The following NCOA3 variants were observed in gnomAD, a reference collection of about 807,000 sequenced individuals.
NCOA3 encodes CBP-interacting protein.
In NCOA3, 51 loss-of-function variants were observed where a neutral mutation model predicts 158.8. That is an observed-to-expected ratio of 0.32 (90% CI 0.26 to 0.41). The LOEUF is 0.41. NCOA3 is among the 10% of genes least tolerant of loss of function. The pLI, the probability that NCOA3 is intolerant of heterozygous loss-of-function variation, is 1.00. For missense variants in NCOA3, 1,510 were observed against 1,746.6 expected (o/e 0.86, Z 2.41); for synonymous variants, 537 against 592.4 (o/e 0.91, Z 1.36).
intron 2 of NCOA3, among the ~76,000 whole-genome samples, chr20:47,610,321 G>A (rs2086023023): frequency 6.6e-6 from 1 of 152,124 alleles, no homozygotes; most frequent in Non-Finnish European, 1.5e-5. Context: ...CTGGGCTCAA[G>A]TGATCCTCTT....
chr20:47,512,433 TGGC>T (rs2084160417), intron 1 of NCOA3, among the ~76,000 whole-genome samples: 5 of 151,890 alleles, frequency 3.3e-5, no homozygotes, highest in Admixed American at 2.6e-4. Context: ...CCGGGCATGG[TGGC>T]ACATGCCTGT....
At chr20:47,544,316 CTTTTTTTTTT>C (rs397866275) in intron 1 of NCOA3, among the ~76,000 whole-genome samples, 4 of 99,720 alleles carry the variant, frequency 4.0e-5, no homozygotes, top group African/African-American at 7.8e-5. Context: ...TTTAATACTA[CTTTTTTTTTT>C]TTTTTTTTTT....
intron 17 of NCOA3, 150 bp downstream of exon 17, chr20:47,642,534 G>A: frequency 2.1e-6 from 1 of 486,662 alleles, no homozygotes; most frequent in Non-Finnish European, 3.4e-6. Flanking sequence ...CATTAAATTT[G>A]GAAAATATCC....
intron 1 of NCOA3, among the ~76,000 whole-genome samples, chr20:47,559,718 T>A (rs2085068277): frequency 1.3e-5 from 2 of 151,828 alleles, no homozygotes; most frequent in Admixed American, 1.3e-4. Context: ...CCGTCTCTAC[T>A]AAAAATACAA....
At chr20:47,562,898 TTATGA>T (rs1024325917) in intron 1 of NCOA3, among the ~76,000 whole-genome samples, 6 of 152,204 alleles carry the variant, frequency 3.9e-5, no homozygotes, top group African/African-American at 1.4e-4. Context: ...GAGGCTACTT[TTATGA>T]TTATTAAAAG....
chr20:47,621,232 T>A (rs1397239655), intron 2 of NCOA3, among the ~76,000 whole-genome samples: 5 of 151,906 alleles, frequency 3.3e-5, no homozygotes, highest in South Asian at 2.1e-4. Context: ...TGTGATTTTT[T>A]AAATTTTTAT....
intron 1 of NCOA3, among the ~76,000 whole-genome samples, chr20:47,560,594 A>G (rs142629864): frequency 7.9e-5 from 12 of 152,280 alleles, no homozygotes; most frequent in East Asian, 1.9e-4. Context: ...AGCCATTCCA[A>G]TAGGTATGTC....
chr20:47,542,316 A>C (rs1271112388), intron 1 of NCOA3, among the ~76,000 whole-genome samples: 1 of 151,798 alleles, frequency 6.6e-6, no homozygotes, highest in East Asian at 1.9e-4. Flanking sequence ...CTGGGATTAC[A>C]GGCACAAGTA....
chr20:47,539,945 T>C (rs564756092), intron 1 of NCOA3, among the ~76,000 whole-genome samples: 4 of 152,224 alleles, frequency 2.6e-5, no homozygotes, highest in African/African-American at 9.6e-5. Flanking sequence ...CCAAAATATT[T>C]AAGGGATACT....
At chr20:47,611,792 A>AAAAAC (rs905721118) in intron 2 of NCOA3, among the ~76,000 whole-genome samples, 2 of 151,964 alleles carry the variant, frequency 1.3e-5, no homozygotes, top group East Asian at 1.9e-4. Flanking sequence ...ACTCCATCTC[A>AAAAAC]AAAACAAAAC....
chr20:47,534,842 GA>G (rs2084606496), intron 1 of NCOA3, among the ~76,000 whole-genome samples: 1 of 152,078 alleles, frequency 6.6e-6, no homozygotes, highest in South Asian at 2.1e-4. Flanking sequence ...TTGAGCCTGG[GA>G]AATGGAAGTT....
At chr20:47,536,458 A>G (rs1025180661) in intron 1 of NCOA3, among the ~76,000 whole-genome samples, 1 of 152,238 alleles carries the variant, frequency 6.6e-6, no homozygotes, top group Non-Finnish European at 1.5e-5. Flanking sequence ...TTTTGCAAGA[A>G]AAGGTCCCTG....
chr20:47,609,355 G>C (rs1055069485), intron 2 of NCOA3, among the ~76,000 whole-genome samples: 94 of 152,230 alleles, frequency 6.2e-4, no homozygotes, highest in African/African-American at 2.2e-3. Flanking sequence ...ACCAGTTTAG[G>C]TGTATGGATG....
At chr20:47,510,776 A>G (rs6063126) in intron 1 of NCOA3, among the ~76,000 whole-genome samples, 132,182 of 151,944 alleles carry the variant, frequency 0.87, 57,977 homozygotes, top group Admixed American at 0.91. Context: ...TAAGTTTTGT[A>G]TAGAAGGTGT....
chr20:47,643,181 T>A (rs1361731719), intron 17 of NCOA3, among the ~76,000 whole-genome samples: 1 of 152,262 alleles, frequency 6.6e-6, no homozygotes, highest in Non-Finnish European at 1.5e-5. Context: ...CCCAAAGTGC[T>A]GGGATTACAG....
chr20:47,587,835 TC>T (rs1206289907), intron 2 of NCOA3, among the ~76,000 whole-genome samples: 1 of 152,206 alleles, frequency 6.6e-6, no homozygotes, highest in Non-Finnish European at 1.5e-5. Context: ...AGTATGTACG[TC>T]TTTATTCCAT....
rs146012383 is a variant in NCOA3, at chr20:47,652,457, A to G, written c.3998A>G (p.Asn1333Ser). ...PAFGRVSSPP[N>S]AMMSSRMGPS... ...TTTGGTCGAGTGTCTAGTCCTCCCA[A>G]TGCAATGATGTCGTCAAGAATGGGT... The change falls in exon 21 of 23, where the codon AAT (asparagine) becomes AGT (serine). Residue 1333 changes from asparagine (N) to serine (S), a missense_variant. This residue lies in a region of NCOA3 where 180 missense variants were observed against 199.3 expected (regional missense o/e 0.90). Coordinates refer to ENST00000371998, the MANE Select transcript of NCOA3 (RefSeq NM_181659.3). 3.3e-5 allele frequency: 53 copies of G among 1,613,882 alleles called. No homozygotes were observed. Among genetic ancestry groups the G allele is most frequent in the Non-Finnish European group, 3.4e-5 (40 of 1,179,848 alleles).
chr20:47,647,056 T>C lies in NCOA3; in HGVS notation c.3253-17T>C. 6.2e-7 allele frequency: 1 copy of C among 1,602,714 alleles called. No homozygotes were observed. The highest frequency in any genetic ancestry group is 8.5e-7 in the Non-Finnish European group (1 of 1,173,240). ...TCATAGATGTTCTTCACTGTTCTTTTATGTGTTGTGTTTAAGGGACAGGCA... is the reference window on the plus strand; with the variant it reads ...TCATAGATGTTCTTCACTGTTCTTTCATGTGTTGTGTTTAAGGGACAGGCA... On this transcript the variant is annotated splice_polypyrimidine_tract_variant and intron_variant, in intron 17 of 22. Transcript: ENST00000371998.
chr20:47,628,156 G>T, intron 8 of NCOA3, 133 bp downstream of exon 8: 1 of 517,728 alleles, frequency 1.9e-6, no homozygotes, highest in Non-Finnish European at 3.3e-6. Context: ...AGTGCTTTAT[G>T]TGTATCTTTT....
Sources: gnomAD v4.1 joint callset for allele counts (sites outside exome capture counted in the v4.1 genomes callset) on GRCh38, gnomAD v4.1.1 for gene constraint, gnomAD v4.1.1 regional missense constraint, MANE v1.5 for transcripts, NCBI Gene and HGNC (gene_info 2026-07-23, HGNC 2026-07-21) for gene names.